Variants in HS3ST5 observed in about 807,000 individuals in gnomAD.
HS3ST5 encodes the protein heparan sulfate-glucosamine 3-sulfotransferase 5.
Under a neutral mutation model 25.4 loss-of-function variants are expected in HS3ST5, and 10 were observed. That is an observed-to-expected ratio of 0.39 (90% CI 0.24 to 0.67). The LOEUF (loss-of-function observed/expected upper bound fraction) is 0.67, where lower values mean the gene tolerates loss of function less well. HS3ST5 is among the 30% of genes least tolerant of loss of function. The pLI, the probability that HS3ST5 is intolerant of heterozygous loss-of-function variation, is 0.44. For synonymous variants in HS3ST5, 170 were observed against 162.4 expected, an observed-to-expected ratio of 1.05 and a Z score of -0.36; for missense variants, 324 against 420.7, an observed-to-expected ratio of 0.77 and a Z score of 2.01.
intron 1 of HS3ST5, among the ~76,000 whole-genome samples, chr6:114,249,929 TA>T (rs1413897042): frequency 1.3e-5 from 2 of 152,218 alleles, no homozygotes; most frequent in Non-Finnish European, 2.9e-5. Flanking sequence ...ATAACTAATG[TA>T]AAAATAAATC....
At chr6:114,083,700 G>A (rs1323185553) in intron 3 of HS3ST5, among the ~76,000 whole-genome samples, 3 of 151,890 alleles carry the variant, frequency 2.0e-5, no homozygotes, top group Non-Finnish European at 2.9e-5. Context: ...TCTTGTTTGG[G>A]ATCCACTAGG....
intron 3 of HS3ST5, among the ~76,000 whole-genome samples, chr6:114,163,363 G>A (rs1779062009): frequency 6.6e-6 from 1 of 152,006 alleles, no homozygotes; most frequent in African/African-American, 2.4e-5. Context: ...ATAAAGCTCG[G>A]TAAGTTTTAA....
chr6:114,077,443 A>T (rs1051937261), intron 3 of HS3ST5, among the ~76,000 whole-genome samples: 2 of 152,184 alleles, frequency 1.3e-5, no homozygotes, highest in African/African-American at 2.4e-5. Flanking sequence ...TTAGTTTAGT[A>T]AATTTGACCT....
At chr6:114,196,494 T>C (rs2114337013) in intron 2 of HS3ST5, among the ~76,000 whole-genome samples, 1 of 152,286 alleles carries the variant, frequency 6.6e-6, no homozygotes, top group Middle Eastern at 3.4e-3. Flanking sequence ...AATTTCTTTG[T>C]GTTTACTCTT....
At chr6:114,064,334 C>T (rs1028197808) in intron 3 of HS3ST5, among the ~76,000 whole-genome samples, 8 of 152,038 alleles carry the variant, frequency 5.3e-5, no homozygotes, top group Middle Eastern at 3.2e-3. Flanking sequence ...AAACAGATCC[C>T]CAAAGAGTTT....
intron 1 of HS3ST5, among the ~76,000 whole-genome samples, chr6:114,260,056 C>A (rs536792685): frequency 1.3e-5 from 2 of 151,908 alleles, no homozygotes; most frequent in Non-Finnish European, 2.9e-5. Context: ...TCCAAAATGC[C>A]ACATACAGAT....
intron 2 of HS3ST5, among the ~76,000 whole-genome samples, chr6:114,183,277 C>G (rs1780052629): frequency 6.6e-6 from 1 of 152,150 alleles, no homozygotes; most frequent in South Asian, 2.1e-4. Flanking sequence ...TCACACTATT[C>G]TTATGGTAGT....
chr6:114,328,511 GAA>G (rs1190597896), intron 1 of HS3ST5, among the ~76,000 whole-genome samples: 2 of 152,070 alleles, frequency 1.3e-5, no homozygotes, highest in Non-Finnish European at 2.9e-5. Context: ...AAAAGAAAAA[GAA>G]AAACACTTTA....
At chr6:114,101,126 A>T (rs1170755655) in intron 3 of HS3ST5, among the ~76,000 whole-genome samples, 1 of 152,188 alleles carries the variant, frequency 6.6e-6, no homozygotes, top group Non-Finnish European at 1.5e-5. Flanking sequence ...GGCAGTCTCG[A>T]TTAAATGTAA....
At chr6:114,141,520 A>G (rs1198561076) in intron 3 of HS3ST5, among the ~76,000 whole-genome samples, 1 of 152,236 alleles carries the variant, frequency 6.6e-6, no homozygotes, top group African/African-American at 2.4e-5. Flanking sequence ...AGGCTCAAGC[A>G]TGCTTTATGT....
chr6:114,199,264 G>A (rs1159860716), intron 2 of HS3ST5, among the ~76,000 whole-genome samples: 1 of 152,102 alleles, frequency 6.6e-6, no homozygotes, highest in Non-Finnish European at 1.5e-5. Context: ...AATGACTTAA[G>A]TTTTTATGGC....
At chr6:114,249,676 C>T (rs1270711541) in intron 1 of HS3ST5, among the ~76,000 whole-genome samples, 1 of 152,150 alleles carries the variant, frequency 6.6e-6, no homozygotes, top group Non-Finnish European at 1.5e-5. Flanking sequence ...AAAGGCCAAG[C>T]CCCTTTGCCT....
chr6:114,059,945 G>A (rs1198793560), intron 4 of HS3ST5, among the ~76,000 whole-genome samples: 3 of 152,128 alleles, frequency 2.0e-5, no homozygotes, highest in Non-Finnish European at 4.4e-5. Flanking sequence ...TACTTTTCAC[G>A]ATGTTTCTTT....
chr6:114,062,678 A>G, intron 4 of HS3ST5, 61 bp downstream of exon 4: 2 of 1,055,668 alleles, frequency 1.9e-6, no homozygotes, highest in South Asian at 1.3e-5. Flanking sequence ...ATTATGTCCT[A>G]AGGAAGTTTA....
intron 1 of HS3ST5, among the ~76,000 whole-genome samples, chr6:114,248,187 C>T (rs978036461): frequency 7.9e-5 from 11 of 139,010 alleles, no homozygotes; most frequent in Admixed American, 1.5e-4. Context: ...GGTGACAGAG[C>T]GAGATTCCAT....
intron 1 of HS3ST5, among the ~76,000 whole-genome samples, chr6:114,320,910 C>A (rs1034751584): frequency 2.6e-3 from 281 of 108,548 alleles, no homozygotes; most frequent in African/African-American, 6.1e-3. Context: ...CTCTCTCTCT[C>A]TCTCTATATA....
intron 3 of HS3ST5, among the ~76,000 whole-genome samples, chr6:114,165,710 T>C (rs1779176585): frequency 6.6e-6 from 1 of 152,192 alleles, no homozygotes; most frequent in Admixed American, 6.5e-5. Flanking sequence ...CCATGACTGC[T>C]ACATCATTGG....
At chr6:114,169,522 A>G (rs1046055077) in intron 2 of HS3ST5, among the ~76,000 whole-genome samples, 18 of 152,270 alleles carry the variant, frequency 1.2e-4, no homozygotes, top group African/African-American at 4.3e-4. Flanking sequence ...AGAAAAAAAC[A>G]CATCCAGCTA....
chr6:114,281,639 A>C (rs1052491384), intron 1 of HS3ST5, among the ~76,000 whole-genome samples: 1 of 151,996 alleles, frequency 6.6e-6, no homozygotes, highest in East Asian at 1.9e-4. Context: ...GTCAAGAAGA[A>C]AAAGAGGAAG....
Sources: allele counts gnomAD v4.1 joint callset (sites outside exome capture counted in the v4.1 genomes callset), GRCh38; gene constraint gnomAD v4.1.1; transcripts MANE v1.5; gene names NCBI Gene and HGNC (gene_info 2026-07-23, HGNC 2026-07-21).